Variants in ALK observed in about 807,000 individuals in gnomAD.
The protein encoded by ALK is ALK tyrosine kinase receptor.
A neutral mutation model predicts 163.1 loss-of-function variants in ALK; 74 were observed. The observed-to-expected ratio is 0.45, with a 90% CI of 0.38 to 0.55. The LOEUF (loss-of-function observed/expected upper bound fraction) is 0.55, where lower values mean the gene tolerates loss of function less well. Among genes scored for constraint, ALK ranks in the 20% least tolerant of loss-of-function variants. The probability of loss-of-function intolerance (pLI) is 0.00; values close to 1 mark genes in which losing one functional copy is unlikely to be tolerated. For synonymous variants in ALK, 960 were observed against 843.2 expected (o/e 1.14, Z -2.40); for missense variants, 2,063 against 2,105.3 (o/e 0.98, Z 0.39).
At chr2:29,417,926 A>G (rs769858124) in intron 4 of ALK, among the ~76,000 whole-genome samples, 5 of 152,224 alleles carry the variant, frequency 3.3e-5, no homozygotes, top group Admixed American at 2.6e-4. Flanking sequence ...GCTACAGGAC[A>G]TGTTTATTAT....
At chr2:29,202,400 C>CTTTT (rs1156923414) in intron 26 of ALK, among the ~76,000 whole-genome samples, 1 of 152,226 alleles carries the variant, frequency 6.6e-6, no homozygotes, top group Non-Finnish European at 1.5e-5. Flanking sequence ...ACAGTCAAAA[C>CTTTT]TTTAAAAAGG....
intron 1 of ALK, among the ~76,000 whole-genome samples, chr2:29,782,057 T>C (rs1024868682): frequency 1.3e-5 from 2 of 152,212 alleles, no homozygotes; most frequent in African/African-American, 4.8e-5. Flanking sequence ...GATTTCCCCT[T>C]ATCTGCTTAC....
chr2:29,204,583 CTGT>C (rs936393494), intron 26 of ALK, among the ~76,000 whole-genome samples: 22 of 152,250 alleles, frequency 1.4e-4, no homozygotes, highest in East Asian at 1.4e-3. Flanking sequence ...TGACCCAGCC[CTGT>C]TGTTATTACT....
chr2:29,919,943 ATG>A, intron 1 of ALK, 48 bp downstream of exon 1: 1 of 1,598,654 alleles, frequency 6.3e-7, no homozygotes, highest in Non-Finnish European at 8.6e-7. Context: ...TTGCATATCA[ATG>A]TGACTAAAAA....
intron 1 of ALK, among the ~76,000 whole-genome samples, chr2:29,916,409 T>C (rs1667835643): frequency 6.6e-6 from 1 of 152,214 alleles, no homozygotes; most frequent in Admixed American, 6.5e-5. Flanking sequence ...TTTTCATCTT[T>C]CATTGTAAAT....
intron 4 of ALK, among the ~76,000 whole-genome samples, chr2:29,520,630 T>G (rs1321203000): frequency 6.6e-6 from 1 of 152,068 alleles, no homozygotes; most frequent in African/African-American, 2.4e-5. Flanking sequence ...AGCTAAGAGA[T>G]TCCTTCTTGG....
At chr2:29,387,221 C>T (rs907532761) in intron 4 of ALK, among the ~76,000 whole-genome samples, 1 of 152,170 alleles carries the variant, frequency 6.6e-6, no homozygotes, top group Non-Finnish European at 1.5e-5. Flanking sequence ...TCTCCGGTTC[C>T]AGTTCTGGCT....
chr2:29,278,970 G>T (rs909691564), intron 9 of ALK, among the ~76,000 whole-genome samples: 2 of 54,946 alleles, frequency 3.6e-5, no homozygotes, highest in African/African-American at 8.7e-5. Flanking sequence ...TAAATGACAT[G>T]TGTGTGCCTG....
chr2:29,894,709 C>T (rs1667224969), intron 1 of ALK, among the ~76,000 whole-genome samples: 1 of 152,112 alleles, frequency 6.6e-6, no homozygotes, highest in Admixed American at 6.5e-5. Flanking sequence ...TTCATTCTTA[C>T]TTCTAAAGCA....
At chr2:29,421,949 G>A (rs1168756603) in intron 4 of ALK, among the ~76,000 whole-genome samples, 1 of 151,630 alleles carries the variant, frequency 6.6e-6, no homozygotes, top group Non-Finnish European at 1.5e-5. Flanking sequence ...TCATTTTACA[G>A]CTAACCTCTC....
At chr2:29,897,565 C>T (rs545009507) in intron 1 of ALK, among the ~76,000 whole-genome samples, 11 of 152,072 alleles carry the variant, frequency 7.2e-5, no homozygotes, top group Non-Finnish European at 1.6e-4. Flanking sequence ...GCAGGATTTC[C>T]CTGATGGCTC....
At chr2:29,439,896 T>C (rs1385772323) in intron 4 of ALK, among the ~76,000 whole-genome samples, 1 of 152,104 alleles carries the variant, frequency 6.6e-6, no homozygotes, top group East Asian at 1.9e-4. Flanking sequence ...CTCCAGAACT[T>C]TGAGTGAATA....
chr2:29,698,170 C>A (rs1558447794), intron 2 of ALK, among the ~76,000 whole-genome samples: 1 of 152,078 alleles, frequency 6.6e-6, no homozygotes, highest in African/African-American at 2.4e-5. Context: ...GTTGATAAGC[C>A]ACTTGCTCTA....
chr2:29,678,678 ATAATTTTAATTTTAATTAAATTTAAATT>A (rs1220483568), intron 3 of ALK, among the ~76,000 whole-genome samples: 7 of 151,386 alleles, frequency 4.6e-5, no homozygotes, highest in South Asian at 2.1e-4. Flanking sequence ...TTTTACTTGC[ATAATTTTAATTTTAATTAAATTTAAATT>A]TAATTTTAAT....
At chr2:29,583,944 C>G (rs1018526559) in intron 3 of ALK, among the ~76,000 whole-genome samples, 5 of 151,812 alleles carry the variant, frequency 3.3e-5, no homozygotes, top group Admixed American at 3.3e-4. Flanking sequence ...TCACCACTTT[C>G]TCCAGCTCTG....
rs761814456 is a variant in ALK, at chr2:29,708,719, G to C, written c.787+8859C>G. Among the ~76,000 whole-genome samples the C allele has an allele frequency of 3.9e-5, 6 of 152,324 alleles. No individual in the cohort carries two copies. In the East Asian group the frequency reaches 1.2e-3, roughly 29 times the overall value. On this transcript the variant is annotated intron_variant, in intron 2 of 28. Transcript: ENST00000389048. ...CTTGCCTCTATGGTAGAGAGGTTAG[G>C]TGTGGGCTCTGCCAAGCAGATGGCC...
rs2148136713 is a variant in ALK at position 29,193,168 on chromosome 2, T to C, written c.*56A>G. On this transcript the variant is annotated 3_prime_UTR_variant, in exon 29 of 29. Coordinates refer to ENST00000389048, the MANE Select transcript of ALK (RefSeq NM_004304.5). The stretch of plus-strand genomic sequence containing the variant: ...TGGTTTGTGAAGGAGCCATTGCCTC[T>C]CTCTCCTCCACGGTCTTAGGGATCC... 1 of 1,522,590 alleles carries C rather than the reference T, an allele frequency of 6.6e-7. No homozygotes were observed. The highest frequency in any genetic ancestry group is 9.0e-7 in the Non-Finnish European group (1 of 1,107,316). 94.3% of individuals were successfully genotyped at this position (1,522,590 alleles called of 1,614,324 possible).
intron 3 of ALK, among the ~76,000 whole-genome samples, chr2:29,600,363 G>C (rs557290060): frequency 1.2e-4 from 19 of 152,180 alleles, no homozygotes; most frequent in Non-Finnish European, 1.5e-5. Context: ...GATAAAGGAC[G>C]TAATAACATC....
chr2:29,491,780 A>G (rs1671909208), intron 4 of ALK, among the ~76,000 whole-genome samples: 1 of 152,166 alleles, frequency 6.6e-6, no homozygotes, highest in African/African-American at 2.4e-5. Context: ...GGCAGTGACT[A>G]AAGGGGCAGG....
Sources: gnomAD v4.1 joint callset for allele counts (sites outside exome capture counted in the v4.1 genomes callset) on GRCh38, gnomAD v4.1.1 for gene constraint, MANE v1.5 for transcripts, NCBI Gene and HGNC (gene_info 2026-07-23, HGNC 2026-07-21) for gene names.